The following COL8A1 variants were observed in gnomAD, a reference collection of about 807,000 sequenced individuals.
COL8A1 encodes the protein collagen alpha-1(VIII) chain.
A neutral mutation model predicts 42.7 loss-of-function variants in COL8A1; 21 were observed. The ratio of observed to expected loss-of-function variants is 0.49; its 90% CI spans 0.35 to 0.71. The LOEUF (loss-of-function observed/expected upper bound fraction) is 0.71. COL8A1 is among the 30% of genes least tolerant of loss of function. The probability of loss-of-function intolerance (pLI) is 0.01; values close to 1 mark genes in which losing one functional copy is unlikely to be tolerated. For missense variants in COL8A1, 788 were observed against 962.4 expected, an observed-to-expected ratio of 0.82 and a Z score of 2.40; for synonymous variants, 367 against 369.1, an observed-to-expected ratio of 0.99 and a Z score of 0.06.
intron 2 of COL8A1, among the ~76,000 whole-genome samples, chr3:99,788,897 A>C (rs981763012): frequency 4.6e-5 from 7 of 152,136 alleles, no homozygotes; most frequent in African/African-American, 1.7e-4. Flanking sequence ...GTAGGAGGAA[A>C]ATTTACTTTT....
chr3:99,750,049 C>CTTTTTTTTTT (rs1176042144), intron 2 of COL8A1, among the ~76,000 whole-genome samples: 137 of 65,946 alleles, frequency 2.1e-3, no homozygotes, highest in African/African-American at 2.2e-3. Flanking sequence ...TTTTTTTCTT[C>CTTTTTTTTTT]TTTTTTTTTT....
intron 1 of COL8A1, among the ~76,000 whole-genome samples, chr3:99,705,152 A>T (rs747273215): frequency 6.6e-6 from 1 of 152,158 alleles, no homozygotes; most frequent in Non-Finnish European, 1.5e-5. Flanking sequence ...AAACAAAGTA[A>T]TGGTAGAGTT....
intron 2 of COL8A1, among the ~76,000 whole-genome samples, chr3:99,781,257 A>T (rs1190339451): frequency 6.6e-6 from 1 of 152,156 alleles, no homozygotes; most frequent in East Asian, 1.9e-4. Flanking sequence ...AAATATTGCA[A>T]CTTTAGTAGG....
intron 1 of COL8A1, among the ~76,000 whole-genome samples, chr3:99,736,313 A>G (rs1940712660): frequency 6.6e-6 from 1 of 151,954 alleles, no homozygotes; most frequent in African/African-American, 2.4e-5. Flanking sequence ...CCCTCTACAC[A>G]CTGCTTTGAA....
At chr3:99,731,548 A>T (rs890155596) in intron 1 of COL8A1, among the ~76,000 whole-genome samples, 10 of 152,096 alleles carry the variant, frequency 6.6e-5, no homozygotes, top group Admixed American at 1.3e-4. Context: ...GCTATTGGGT[A>T]TGGGGACTGG....
chr3:99,787,661 T>G (rs1941920797), intron 2 of COL8A1, among the ~76,000 whole-genome samples: 1 of 152,180 alleles, frequency 6.6e-6, no homozygotes, highest in Non-Finnish European at 1.5e-5. Flanking sequence ...GTAAGAAAAC[T>G]GAGGCTTAGT....
At chr3:99,697,955 A>G (rs1022673275) in intron 1 of COL8A1, among the ~76,000 whole-genome samples, 2 of 152,156 alleles carry the variant, frequency 1.3e-5, no homozygotes, top group Middle Eastern at 3.4e-3. Flanking sequence ...TCCTAATGCT[A>G]TCCCTCCCCC....
intron 1 of COL8A1, chr3:99,679,746 T>A (rs553354191): frequency 6.6e-6 from 1 of 152,182 alleles, no homozygotes; most frequent in South Asian, 2.1e-4. Context: ...AATTGGTTTA[T>A]ATTTGTAGAA....
chr3:99,704,706 G>A (rs978779795), intron 1 of COL8A1, among the ~76,000 whole-genome samples: 5 of 151,994 alleles, frequency 3.3e-5, no homozygotes, highest in African/African-American at 1.2e-4. Flanking sequence ...GAACAATCTG[G>A]GTTACTTTGC....
intron 1 of COL8A1, among the ~76,000 whole-genome samples, chr3:99,730,062 A>T (rs73860462): frequency 0.011 from 1,674 of 152,272 alleles, 27 homozygotes; most frequent in African/African-American, 0.039. Context: ...GATGATGTCA[A>T]TGGGATAAGA....
At chr3:99,701,970 A>T (rs1939553442) in intron 1 of COL8A1, among the ~76,000 whole-genome samples, 1 of 152,180 alleles carries the variant, frequency 6.6e-6, no homozygotes, top group Non-Finnish European at 1.5e-5. Flanking sequence ...TTTGTTGTTC[A>T]GAAGGAGCCT....
intron 3 of COL8A1, 23 bp downstream of exon 3, chr3:99,791,033 T>A (rs1447357912): frequency 2.5e-6 from 4 of 1,573,742 alleles, no homozygotes; most frequent in Non-Finnish European, 1.7e-6. Context: ...TCCCAGGCTG[T>A]TATAAAACAA....
intron 1 of COL8A1, among the ~76,000 whole-genome samples, chr3:99,712,828 G>C (rs183001628): frequency 3.9e-5 from 6 of 152,158 alleles, no homozygotes; most frequent in Admixed American, 3.9e-4. Flanking sequence ...AAACCCCTCA[G>C]TTTCAGGCAA....
At chr3:99,686,166 C>T (rs546185663) in intron 1 of COL8A1, among the ~76,000 whole-genome samples, 51 of 150,502 alleles carry the variant, frequency 3.4e-4, no homozygotes, top group African/African-American at 1.1e-3. Flanking sequence ...AACAACATGT[C>T]GCATCCTCAA....
At chr3:99,704,168 T>G (rs1363700396) in intron 1 of COL8A1, among the ~76,000 whole-genome samples, 1 of 152,194 alleles carries the variant, frequency 6.6e-6, no homozygotes, top group Admixed American at 6.5e-5. Context: ...TAAATAATTA[T>G]GTACTAAAAA....
chr3:99,756,569 T>G (rs372801271), intron 2 of COL8A1, among the ~76,000 whole-genome samples: 1 of 152,150 alleles, frequency 6.6e-6, no homozygotes, highest in Non-Finnish European at 1.5e-5. Context: ...CACAGTTCAG[T>G]TAAAAAGAAT....
intron 1 of COL8A1, among the ~76,000 whole-genome samples, chr3:99,696,659 C>T (rs1366505902): frequency 6.6e-6 from 1 of 152,186 alleles, no homozygotes; most frequent in African/African-American, 2.4e-5. Flanking sequence ...AGGGCTCCAG[C>T]AAAGAGAGAC....
intron 2 of COL8A1, among the ~76,000 whole-genome samples, chr3:99,777,209 A>G (rs1009903567): frequency 1.3e-5 from 2 of 152,080 alleles, no homozygotes; most frequent in Admixed American, 6.5e-5. Context: ...TTTGAGAAAA[A>G]TACTCCACTA....
At chr3:99,771,218 A>G (rs1365875046) in intron 2 of COL8A1, among the ~76,000 whole-genome samples, 1 of 152,208 alleles carries the variant, frequency 6.6e-6, no homozygotes, top group Non-Finnish European at 1.5e-5. Context: ...TTATTCAAAG[A>G]ATAATTGGAA....
Sources: gnomAD v4.1 joint callset for allele counts (sites outside exome capture counted in the v4.1 genomes callset) on GRCh38, gnomAD v4.1.1 for gene constraint, MANE v1.5 for transcripts, NCBI Gene and HGNC (gene_info 2026-07-23, HGNC 2026-07-21) for gene names.